Variants in USP28 observed in about 807,000 individuals in gnomAD.
USP28 encodes the protein ubiquitin carboxyl-terminal hydrolase 28.
In USP28, 113 loss-of-function variants were observed where a neutral mutation model predicts 145.0. The observed-to-expected ratio is 0.78, with a 90% CI of 0.67 to 0.91. USP28 has a LOEUF of 0.91. Among genes scored for constraint, USP28 ranks in the 40% least tolerant of loss-of-function variants. The probability of loss-of-function intolerance (pLI) is 0.00; values close to 1 mark genes in which losing one functional copy is unlikely to be tolerated. For synonymous variants in USP28, 447 were observed against 450.9 expected, an observed-to-expected ratio of 0.99 and a Z score of 0.11; for missense variants, 1,201 against 1,289.6, an observed-to-expected ratio of 0.93 and a Z score of 1.05.
intron 3 of USP28, among the ~76,000 whole-genome samples, chr11:113,846,032 A>G (rs563896619): frequency 6.6e-6 from 1 of 152,346 alleles, no homozygotes; most frequent in African/African-American, 2.4e-5. Context: ...TTAAAAAGCA[A>G]AGAAATTTGA....
intron 11 of USP28, 140 bp from the exon 12 acceptor site, chr11:113,823,840 A>T (rs1033578781): frequency 3.5e-6 from 2 of 572,354 alleles, no homozygotes; most frequent in Non-Finnish European, 5.6e-6. Flanking sequence ...AGCATACTCA[A>T]GGTTAAAACT....
exon 13 of USP28, chr11:113,817,822 G>C: frequency 6.2e-7 from 1 of 1,614,122 alleles, no homozygotes; most frequent in Non-Finnish European, 8.5e-7. Context: ...CTGGGCCTGA[G>C]CCATATTTCA....
intron 8 of USP28, 139 bp downstream of exon 8, chr11:113,831,781 A>T (rs1944009210): frequency 1.6e-6 from 1 of 608,110 alleles, no homozygotes; most frequent in Admixed American, 3.3e-5. Flanking sequence ...ATACATGATG[A>T]GGACTACCTC....
At chr11:113,852,632 G>C in exon 3 of USP28, 1 of 1,613,404 alleles carries the variant, frequency 6.2e-7, no homozygotes, top group East Asian at 2.2e-5. Flanking sequence ...ACCATTACTG[G>C]CCTATGGGAG....
chr11:113,804,414 T>A (rs1370382610), intron 21 of USP28, among the ~76,000 whole-genome samples: 1 of 152,170 alleles, frequency 6.6e-6, no homozygotes, highest in Non-Finnish European at 1.5e-5. Flanking sequence ...TTTCAAGAAT[T>A]TTACTGCCTA....
chr11:113,800,312 TTTTG>T (rs1412174005), intron 24 of USP28, among the ~76,000 whole-genome samples: 3 of 151,638 alleles, frequency 2.0e-5, no homozygotes, highest in Admixed American at 6.6e-5. Flanking sequence ...GCCTTTTTTG[TTTTG>T]TTTGTTTTTT....
chr11:113,803,532 A>G (rs1403213177), intron 22 of USP28, among the ~76,000 whole-genome samples: 1 of 152,186 alleles, frequency 6.6e-6, no homozygotes, highest in Non-Finnish European at 1.5e-5. Context: ...TGTCAACTCA[A>G]AAATTCATTT....
At chr11:113,874,575 G>GT in intron 1 of USP28, 1 of 1,288,796 alleles carries the variant, frequency 7.8e-7, no homozygotes. Context: ...CTCCAAACTC[G>GT]TATTTGAACA....
In USP28 at chr11:113,812,508, T is replaced by G. The variant is rs1484778300; in HGVS notation, c.1744-4A>C. Reference sequence around the variant, plus strand: ...CTGCATGCAAGCGATAAGGCACCTGTAAGTCAGAATGTACATTCCCCAGTC... The same window carrying G: ...CTGCATGCAAGCGATAAGGCACCTGGAAGTCAGAATGTACATTCCCCAGTC... On this transcript the variant is annotated splice_polypyrimidine_tract_variant and splice_region_variant and intron_variant, in intron 15 of 24. Coordinates refer to ENST00000003302, the Ensembl canonical transcript of USP28. The G allele has an allele frequency of 1.2e-6, 2 of 1,611,552 alleles. No homozygotes were observed. The highest frequency in any genetic ancestry group is 2.7e-5 in the African/African-American group (2 of 73,460).
chr11:113,861,074 G>A (rs909442304), intron 1 of USP28, among the ~76,000 whole-genome samples: 1 of 149,080 alleles, frequency 6.7e-6, no homozygotes, highest in Non-Finnish European at 1.5e-5. Flanking sequence ...AGCCAAGATC[G>A]CACCACTGCA....
intron 1 of USP28, among the ~76,000 whole-genome samples, chr11:113,865,414 G>A (rs1192806575): frequency 6.6e-6 from 1 of 152,150 alleles, no homozygotes; most frequent in African/African-American, 2.4e-5. Flanking sequence ...GAACAAAGTT[G>A]GAGGACTCAC....
At chr11:113,862,868 G>C (rs1292740712) in intron 1 of USP28, among the ~76,000 whole-genome samples, 1 of 151,856 alleles carries the variant, frequency 6.6e-6, no homozygotes, top group Non-Finnish European at 1.5e-5. Flanking sequence ...CAGAAAACTA[G>C]GAATAAAAGG....
In USP28 at chr11:113,807,738, T is replaced by A. The variant is rs1035583378; in HGVS notation, c.2304+560A>T. Reference sequence around the variant, plus strand: ...GCAGTGGCCCCATTAAGTATAAGCCTGGGTAGATATACATATGCTGGGAGC... The same window carrying A: ...GCAGTGGCCCCATTAAGTATAAGCCAGGGTAGATATACATATGCTGGGAGC... On this transcript the variant is annotated intron_variant, in intron 18 of 24. Transcript: ENST00000003302. Among the ~76,000 whole-genome samples the A allele has an allele frequency of 3.3e-5, 5 of 152,168 alleles. No individual in the cohort carries two copies. In the South Asian group the frequency reaches 1.0e-3, roughly 32 times the overall value.
chr11:113,830,034 T>C (rs922937000), intron 9 of USP28, among the ~76,000 whole-genome samples: 5 of 152,092 alleles, frequency 3.3e-5, no homozygotes, highest in Non-Finnish European at 7.4e-5. Flanking sequence ...TCAGAGGACA[T>C]GCAAACAGCA....
chr11:113,811,305 G>A (rs1355552499), intron 16 of USP28, among the ~76,000 whole-genome samples: 4 of 152,162 alleles, frequency 2.6e-5, no homozygotes. Context: ...CATGCTTTAA[G>A]AAGTAAAGTA....
chr11:113,809,193 C>T (rs1379450680), exon 17 of USP28: 6 of 1,614,100 alleles, frequency 3.7e-6, no homozygotes, highest in Non-Finnish European at 5.1e-6. Flanking sequence ...GAATGTAATG[C>T]TTGAGTTCCA....
intron 5 of USP28, among the ~76,000 whole-genome samples, chr11:113,839,371 G>A (rs1190228220): frequency 1.3e-5 from 2 of 152,144 alleles, no homozygotes; most frequent in Non-Finnish European, 2.9e-5. Flanking sequence ...GATCACTTGA[G>A]GTCAGGAGTT....
intron 14 of USP28, among the ~76,000 whole-genome samples, chr11:113,814,519 G>GC: frequency 6.6e-6 from 1 of 152,248 alleles, no homozygotes; most frequent in East Asian, 1.9e-4. Context: ...CTATAGAAAA[G>GC]ACTGAAGAGT....
intron 24 of USP28, among the ~76,000 whole-genome samples, chr11:113,800,154 C>T (rs1439253984): frequency 1.3e-5 from 2 of 151,990 alleles, no homozygotes; most frequent in African/African-American, 4.8e-5. Flanking sequence ...TACAGGTGCC[C>T]GCCACCACAC....
Sources: gnomAD v4.1 joint callset for allele counts (sites outside exome capture counted in the v4.1 genomes callset) on GRCh38, gnomAD v4.1.1 for gene constraint, MANE v1.5 for transcripts, NCBI Gene and HGNC (gene_info 2026-07-23, HGNC 2026-07-21) for gene names.